The following SSUH2 variants were observed in gnomAD, a reference collection of about 807,000 sequenced individuals.
The protein encoded by SSUH2 is protein SSUH2 homolog.
Under a neutral mutation model 55.3 loss-of-function variants are expected in SSUH2, and 47 were observed. The observed-to-expected ratio is 0.85, with a 90% CI of 0.67 to 1.08. The LOEUF (loss-of-function observed/expected upper bound fraction) is 1.08. SSUH2 is among the 50% of genes least tolerant of loss of function. The pLI, the probability that SSUH2 is intolerant of heterozygous loss-of-function variation, is 0.00. For synonymous variants in SSUH2, 212 were observed against 191.5 expected (o/e 1.11, Z -0.89); for missense variants, 535 against 490.7 (o/e 1.09, Z -0.85).
At chr3:8,676,021 G>A (rs986383809) in intron 3 of SSUH2, among the ~76,000 whole-genome samples, 2 of 152,124 alleles carry the variant, frequency 1.3e-5, no homozygotes, top group Non-Finnish European at 2.9e-5. Context: ...GCTAGTACGA[G>A]AAGCAAATAA....
intron 3 of SSUH2, chr3:8,633,997 T>C: frequency 3.8e-6 from 6 of 1,577,878 alleles, no homozygotes; most frequent in Admixed American, 1.8e-5. Context: ...CAGGTTTTCC[T>C]AGAGAACAGC....
rs116252667 is a variant in SSUH2 at position 8,676,786 on chromosome 3, G to T, written c.-753+420C>A. Among the ~76,000 whole-genome samples the T allele has an allele frequency of 4.2e-3, 625 of 147,782 alleles. 29 individuals carry two copies. Among genetic ancestry groups the T allele is most frequent in the African/African-American group, 0.016 (596 of 38,394 alleles). On this transcript the variant is annotated intron_variant, in intron 3 of 18. Coordinates refer to the SSUH2 transcript ENST00000317371. Reference sequence around the variant, plus strand: ...CTGGATCTCAGGACCTCATCGCAGTGGGGGGAGGCACCCCCAGTGAGGCGG... The same window carrying T: ...CTGGATCTCAGGACCTCATCGCAGTTGGGGGAGGCACCCCCAGTGAGGCGG...
At chr3:8,664,375 G>A (rs1353180589) in intron 5 of SSUH2, among the ~76,000 whole-genome samples, 3 of 152,284 alleles carry the variant, frequency 2.0e-5, no homozygotes, top group Non-Finnish European at 2.9e-5. Context: ...TTCCCTTGGC[G>A]CTGTGTATAG....
At chr3:8,681,473 C>G (rs1338241491) in intron 1 of SSUH2, among the ~76,000 whole-genome samples, 1 of 145,626 alleles carries the variant, frequency 6.9e-6, no homozygotes, top group Non-Finnish European at 1.5e-5. Context: ...GGACCCCCGT[C>G]GTAGGGGGGA....
At chr3:8,650,633 T>C (rs895571538) in intron 7 of SSUH2, among the ~76,000 whole-genome samples, 1 of 152,206 alleles carries the variant, frequency 6.6e-6, no homozygotes, top group African/African-American at 2.4e-5. Context: ...AGGGATCCAG[T>C]CTGAGTGCCA....
chr3:8,669,664 T>C (rs754972593), intron 5 of SSUH2, among the ~76,000 whole-genome samples: 1 of 152,196 alleles, frequency 6.6e-6, no homozygotes, highest in Non-Finnish European at 1.5e-5. Context: ...CAATAGCACA[T>C]ACCCGCAGTA....
intron 2 of SSUH2, among the ~76,000 whole-genome samples, chr3:8,679,061 A>AC (rs551506413): frequency 1.1e-5 from 1 of 90,004 alleles, no homozygotes; most frequent in African/African-American, 3.8e-5. Flanking sequence ...GGGAGGAAGC[A>AC]CCCCCCGCGA....
At chr3:8,679,454 G>A (rs1447235269) in intron 2 of SSUH2, among the ~76,000 whole-genome samples, 11 of 135,558 alleles carry the variant, frequency 8.1e-5, no homozygotes, top group African/African-American at 2.7e-4. Flanking sequence ...GCGGGGGGAG[G>A]CACCCCCCGG....
intron 1 of SSUH2, chr3:8,681,877 T>G (rs1705978640): frequency 6.1e-6 from 1 of 162,768 alleles, no homozygotes; most frequent in Non-Finnish European, 1.3e-5. Context: ...GATCCTAAGA[T>G]CCTTAGGACC....
upstream of SSUH2, among the ~76,000 whole-genome samples, chr3:8,648,774 A>C (rs1702032875): frequency 6.6e-6 from 1 of 152,044 alleles, no homozygotes; most frequent in Admixed American, 6.5e-5. Flanking sequence ...ACACAACACA[A>C]AACTTAACCT....
chr3:8,623,159 G>T (rs1448170202), intron 11 of SSUH2, among the ~76,000 whole-genome samples: 1 of 152,212 alleles, frequency 6.6e-6, no homozygotes, highest in Admixed American at 6.5e-5. Flanking sequence ...CTGGGGGTTG[G>T]GAAGTGCCAG....
At chr3:8,621,571 C>T (rs1035631632) in intron 11 of SSUH2, among the ~76,000 whole-genome samples, 2 of 152,144 alleles carry the variant, frequency 1.3e-5, no homozygotes, top group Non-Finnish European at 2.9e-5. Flanking sequence ...ACAAAATTTC[C>T]ACACAGCTTT....
intron 2 of SSUH2, 124 bp downstream of exon 2, chr3:8,635,635 G>C: frequency 1.1e-6 from 1 of 944,642 alleles, no homozygotes; most frequent in Non-Finnish European, 1.5e-6. Context: ...CAAGATGAGG[G>C]GCTTCCCAGG....
At chr3:8,651,814 C>T (rs116227970) in intron 7 of SSUH2, among the ~76,000 whole-genome samples, 1 of 152,140 alleles carries the variant, frequency 6.6e-6, no homozygotes, top group Non-Finnish European at 1.5e-5. Flanking sequence ...AATTCTCTTT[C>T]TCCCCATGCC....
At chr3:8,634,010 A>G in intron 3 of SSUH2, 1 of 1,516,824 alleles carries the variant, frequency 6.6e-7, no homozygotes, top group East Asian at 2.3e-5. Flanking sequence ...AGAACAGCCA[A>G]AAACACTTTA....
chr3:8,675,960 G>A (rs192855652), intron 3 of SSUH2, among the ~76,000 whole-genome samples: 118 of 152,216 alleles, frequency 7.8e-4, no homozygotes, highest in African/African-American at 2.8e-3. Context: ...CAACTAGACG[G>A]GGTTTCTAAA....
rs958246142 is a variant in SSUH2, at chr3:8,644,765, G to A, written c.-7C>T. The stretch of plus-strand genomic sequence containing the variant: ...CATTCAGATCCCTGTCCATGTTCCA[G>A]ACGTCCTGCCAAAGAGATGTCTGCC... On this transcript the variant is annotated 5_prime_UTR_variant, in exon 1 of 12. Coordinates refer to ENST00000544814, the MANE Select transcript of SSUH2 (RefSeq NM_001256748.3). 3 of 1,535,928 alleles carry A rather than the reference G, an allele frequency of 2.0e-6. No homozygotes were observed. In the Admixed American group the frequency reaches 5.9e-5, roughly 30 times the overall value.
chr3:8,672,750 A>G (rs745894495), intron 3 of SSUH2, among the ~76,000 whole-genome samples: 8 of 152,136 alleles, frequency 5.3e-5, no homozygotes, highest in Non-Finnish European at 7.4e-5. Flanking sequence ...AGGGGTGTAC[A>G]CTTCCTGTGA....
chr3:8,634,754 G>A (rs1326294864), intron 3 of SSUH2: 1 of 387,724 alleles, frequency 2.6e-6, no homozygotes, highest in East Asian at 7.2e-5. Context: ...TGAGAGGCTG[G>A]ATTGAAATAG....
Sources: allele counts gnomAD v4.1 joint callset (sites outside exome capture counted in the v4.1 genomes callset), GRCh38; gene constraint gnomAD v4.1.1; transcripts MANE v1.5; gene names NCBI Gene and HGNC (gene_info 2026-07-23, HGNC 2026-07-21).